The following SEMA3D variants were observed in gnomAD, a reference collection of about 807,000 sequenced individuals.
SEMA3D encodes semaphorin 3D.
In SEMA3D, 84 loss-of-function variants were observed where a neutral mutation model predicts 100.1. The observed-to-expected ratio is 0.84, with a 90% CI of 0.70 to 1.01. The LOEUF is 1.01. SEMA3D is among the 50% of genes least tolerant of loss of function. The pLI, the probability that SEMA3D is intolerant of heterozygous loss-of-function variation, is 0.00. For missense variants in SEMA3D, 875 were observed against 934.1 expected, an observed-to-expected ratio of 0.94 and a Z score of 0.82; for synonymous variants, 312 against 320.7, an observed-to-expected ratio of 0.97 and a Z score of 0.29.
chr7:85,022,361 T>C, intron 13 of SEMA3D, 30 bp downstream of exon 13: 1 of 1,513,884 alleles, frequency 6.6e-7, no homozygotes, highest in South Asian at 1.1e-5. Context: ...AAATTCCTTT[T>C]GAAAAAATCC....
chr7:85,209,209 C>A, the SEMA3D span, among the ~76,000 whole-genome samples: 1 of 151,782 alleles, frequency 6.6e-6, no homozygotes, highest in Non-Finnish European at 1.5e-5. Flanking sequence ...ACTACCATTT[C>A]TTTTTGTAGT....
At chr7:85,113,946 G>A (rs1295157530) in intron 3 of SEMA3D, among the ~76,000 whole-genome samples, 1 of 152,068 alleles carries the variant, frequency 6.6e-6, no homozygotes, top group African/African-American at 2.4e-5. Context: ...GCCCATAAAA[G>A]TTAATTATTT....
intron 2 of SEMA3D, among the ~76,000 whole-genome samples, chr7:85,122,344 T>A (rs1789449709): frequency 6.6e-6 from 1 of 152,184 alleles, no homozygotes; most frequent in East Asian, 1.9e-4. Context: ...CGCTCTTGTT[T>A]TACTCTTATA....
the SEMA3D span, among the ~76,000 whole-genome samples, chr7:85,197,916 C>T: frequency 3.9e-5 from 6 of 152,028 alleles, no homozygotes; most frequent in African/African-American, 1.4e-4. Flanking sequence ...ATCCAATAAT[C>T]AAAAGAAGGT....
At chr7:85,236,571 G>GGGAGGC in the SEMA3D span, among the ~76,000 whole-genome samples, 12,449 of 151,828 alleles carry the variant, frequency 0.082, 1,299 homozygotes, top group African/African-American at 0.24. Context: ...CTCCCAAAGT[G>GGGAGGC]CTGGGATTAC....
rs750103711 is a variant in SEMA3D, at chr7:85,015,173, G to A, written c.1589C>T (p.Ser530Phe). Residue 530 changes from serine (S) to phenylalanine (F), a missense_variant, in exon 16 of 19, where the codon TCC becomes TTC. Physicochemically the swap from Ser to Phe is radical, Grantham distance 155 (BLOSUM62 -2). Coordinates refer to ENST00000284136, the MANE Select transcript of SEMA3D (RefSeq NM_001384900.1). ...CCCATAAGTGTCGCATCTGTGCAAGGAGAGCTGAACCAATCCATCTCGGGA... is the reference window on the plus strand; with the variant it reads ...CCCATAAGTGTCGCATCTGTGCAAGAAGAGCTGAACCAATCCATCTCGGGA... ...IGSRDGLVQL[S>F]LHRCDTYGKA... The A allele has an allele frequency of 1.9e-6, 3 of 1,611,662 alleles. No homozygotes were observed. In the East Asian group the frequency reaches 6.7e-5, roughly 36 times the overall value.
At chr7:85,035,326 A>G (rs1298456802) in intron 12 of SEMA3D, among the ~76,000 whole-genome samples, 2 of 151,670 alleles carry the variant, frequency 1.3e-5, no homozygotes, top group African/African-American at 4.8e-5. Flanking sequence ...TAATATCTTT[A>G]TATGTGCATA....
intron 4 of SEMA3D, among the ~76,000 whole-genome samples, chr7:85,083,753 A>T (rs1263561675): frequency 6.6e-6 from 1 of 151,558 alleles, no homozygotes; most frequent in African/African-American, 2.4e-5. Flanking sequence ...AGGCTGAGGC[A>T]GGAGAATGGC....
chr7:85,234,462 G>C, the SEMA3D span, among the ~76,000 whole-genome samples: 2 of 152,180 alleles, frequency 1.3e-5, no homozygotes, highest in Non-Finnish European at 2.9e-5. Flanking sequence ...AGAGAAATGA[G>C]AGATTGAGAG....
chr7:85,236,285 A>ATTTTAT, the SEMA3D span, among the ~76,000 whole-genome samples: 5,492 of 113,056 alleles, frequency 0.049, 308 homozygotes, highest in African/African-American at 0.18. Context: ...ATTTTATTTT[A>ATTTTAT]TTTATTTATT....
At chr7:85,205,002 C>G in the SEMA3D span, among the ~76,000 whole-genome samples, 4 of 152,190 alleles carry the variant, frequency 2.6e-5, no homozygotes, top group East Asian at 7.7e-4. Context: ...GATGCTATCT[C>G]AATGTGGTTT....
chr7:85,137,388 T>G (rs551584757), intron 2 of SEMA3D, among the ~76,000 whole-genome samples: 85 of 152,108 alleles, frequency 5.6e-4, no homozygotes, highest in African/African-American at 2.0e-3. Flanking sequence ...TGTGTGTGTA[T>G]ATATATAAAT....
At chr7:85,021,097 C>T (rs1380048547) in intron 13 of SEMA3D, among the ~76,000 whole-genome samples, 1 of 151,550 alleles carries the variant, frequency 6.6e-6, no homozygotes, top group Non-Finnish European at 1.5e-5. Context: ...AACTTCTGAG[C>T]ACTGGGGTTG....
At chr7:85,053,488 C>CT (rs371281821) in intron 9 of SEMA3D, among the ~76,000 whole-genome samples, 2 of 151,768 alleles carry the variant, frequency 1.3e-5, no homozygotes, top group African/African-American at 4.8e-5. Flanking sequence ...ATGCTGAGGT[C>CT]TTTTTTTGTT....
intron 2 of SEMA3D, among the ~76,000 whole-genome samples, chr7:85,152,910 G>T (rs1790468890): frequency 6.6e-6 from 1 of 152,090 alleles, no homozygotes; most frequent in Non-Finnish European, 1.5e-5. Flanking sequence ...CTAAGGAACT[G>T]GGACACTGTG....
At chr7:85,035,201 T>C (rs574036125) in intron 12 of SEMA3D, among the ~76,000 whole-genome samples, 1 of 151,420 alleles carries the variant, frequency 6.6e-6, no homozygotes, top group East Asian at 1.9e-4. Flanking sequence ...ATGAGACTTG[T>C]ATCATATATA....
chr7:85,120,026 A>C (rs1481108007), intron 3 of SEMA3D, among the ~76,000 whole-genome samples: 1 of 151,462 alleles, frequency 6.6e-6, no homozygotes, highest in East Asian at 1.9e-4. Context: ...CACTGCAGTC[A>C]AACTCCTGGG....
intron 17 of SEMA3D, among the ~76,000 whole-genome samples, chr7:85,011,962 T>G (rs766890856): frequency 1.3e-5 from 2 of 151,590 alleles, no homozygotes; most frequent in Non-Finnish European, 3.0e-5. Flanking sequence ...TGTGTGTGTG[T>G]TTGGTGTGTG....
intron 2 of SEMA3D, among the ~76,000 whole-genome samples, chr7:85,133,258 T>C (rs1462495766): frequency 6.6e-6 from 1 of 151,976 alleles, no homozygotes; most frequent in African/African-American, 2.4e-5. Context: ...GTTTCTGAGC[T>C]GTGTTTAGTC....
Sources: allele counts gnomAD v4.1 joint callset (sites outside exome capture counted in the v4.1 genomes callset), GRCh38; gene constraint gnomAD v4.1.1; transcripts MANE v1.5; gene names NCBI Gene and HGNC (gene_info 2026-07-23, HGNC 2026-07-21).